Variants in RNF115 observed in about 807,000 individuals in gnomAD.
The protein encoded by RNF115 is E3 ubiquitin-protein ligase RNF115.
RNF115 carries 31 observed loss-of-function variants against 39.2 expected under a neutral mutation model. The observed-to-expected ratio is 0.79, with a 90% CI of 0.59 to 1.07. RNF115 has a LOEUF of 1.07. RNF115 is among the 50% of genes least tolerant of loss of function. RNF115 has a pLI of 0.00. For missense variants in RNF115, 384 were observed against 381.7 expected (o/e 1.01, Z -0.05); for synonymous variants, 124 against 131.0 (o/e 0.95, Z 0.37).
At chr1:145,784,962 C>T (rs1439506432) in intron 2 of RNF115, among the ~76,000 whole-genome samples, 1 of 152,130 alleles carries the variant, frequency 6.6e-6, no homozygotes, top group Non-Finnish European at 1.5e-5. Flanking sequence ...ATTCAACCAC[C>T]AGATGAACAC....
intron 4 of RNF115, among the ~76,000 whole-genome samples, 179 bp downstream of exon 4, chr1:145,771,532 C>T (rs1279076854): frequency 2.0e-5 from 3 of 152,204 alleles, no homozygotes; most frequent in African/African-American, 7.2e-5. Context: ...GCATTTCTCA[C>T]TCTCTGGTTT....
At chr1:145,782,613 C>T (rs192322258) in intron 3 of RNF115, among the ~76,000 whole-genome samples, 89 of 152,344 alleles carry the variant, frequency 5.8e-4, no homozygotes, top group African/African-American at 1.9e-3. Flanking sequence ...AGTTAGGAAA[C>T]TGACTACATA....
At chr1:145,784,854 G>T (rs1648306385) in intron 2 of RNF115, among the ~76,000 whole-genome samples, 1 of 152,036 alleles carries the variant, frequency 6.6e-6, no homozygotes, top group Non-Finnish European at 1.5e-5. Flanking sequence ...GAAGGAAGGA[G>T]GACCCACAGG....
At chr1:145,762,026 G>A (rs116126973) in intron 4 of RNF115, among the ~76,000 whole-genome samples, 128 of 152,318 alleles carry the variant, frequency 8.4e-4, no homozygotes, top group Non-Finnish European at 1.4e-3. Flanking sequence ...GGACATGCAT[G>A]GGACCTGTAA....
Position 145,750,465 on chromosome 1 carries a change from T to C in RNF115, c.609A>G (p.Pro203=). 2.5e-6 allele frequency: 4 copies of C among 1,614,010 alleles called. No homozygotes were observed. Among genetic ancestry groups the C allele is most frequent in the Non-Finnish European group, 3.4e-6 (4 of 1,179,950 alleles). ...LGQLENTGPP[P]ADKEKITSLP... ...GAGATGTGATCTTTTCCTTGTCAGC[T>C]GGGGGAGGGCCTGTGTTTTCCAGTT... The change falls in exon 7 of 9, where the codon CCA becomes CCG. Residue 203 remains proline, a synonymous_variant. Coordinates refer to ENST00000582693, the MANE Select transcript of RNF115 (RefSeq NM_014455.4).
At chr1:145,755,382 A>T (rs1247892116) in intron 4 of RNF115, among the ~76,000 whole-genome samples, 4 of 152,162 alleles carry the variant, frequency 2.6e-5, no homozygotes, top group African/African-American at 9.7e-5. Context: ...AACAGCCAGA[A>T]CAAACCTGCC....
intron 4 of RNF115, 30 bp downstream of exon 4, chr1:145,771,681 T>C: frequency 6.3e-7 from 1 of 1,587,444 alleles, no homozygotes; most frequent in Non-Finnish European, 8.6e-7. Context: ...TGAAACTACC[T>C]TAAAAAGAAC....
intron 1 of RNF115, 140 bp from the exon 2 acceptor site, chr1:145,789,106 T>G: frequency 1.7e-6 from 1 of 587,336 alleles, no homozygotes. Context: ...GTTTTTGTTT[T>G]TTTTTTTCTT....
chr1:145,800,264 G>A (rs1553720704), intron 1 of RNF115, among the ~76,000 whole-genome samples: 1 of 152,104 alleles, frequency 6.6e-6, no homozygotes, highest in Non-Finnish European at 1.5e-5. Context: ...CACATGATGT[G>A]CTTGACACTG....
At chr1:145,749,552 T>C (rs1437171349) in intron 7 of RNF115, among the ~76,000 whole-genome samples, 1 of 152,160 alleles carries the variant, frequency 6.6e-6, no homozygotes, top group Non-Finnish European at 1.5e-5. Flanking sequence ...GAATTCTCTT[T>C]GACTCTTTCC....
At chr1:145,752,866 C>T in intron 5 of RNF115, 112 bp downstream of exon 5, 1 of 717,770 alleles carries the variant, frequency 1.4e-6, no homozygotes, top group East Asian at 2.7e-5. Flanking sequence ...GGATTAGAGG[C>T]ATGAGCCACC....
intron 1 of RNF115, among the ~76,000 whole-genome samples, chr1:145,813,389 C>A (rs1283512042): frequency 6.6e-6 from 1 of 152,188 alleles, no homozygotes; most frequent in African/African-American, 2.4e-5. Flanking sequence ...GAAAGCAAAA[C>A]TAAAAGTTAG....
At chr1:145,805,876 AC>A (rs1649437518) in intron 1 of RNF115, among the ~76,000 whole-genome samples, 1 of 152,118 alleles carries the variant, frequency 6.6e-6, no homozygotes, top group African/African-American at 2.4e-5. Flanking sequence ...GTACTAGAAT[AC>A]AATTTATATA....
rs1276771677 is a variant in RNF115, at chr1:145,742,655, T to C, written c.*4211A>G. 1 of 152,250 alleles carries C rather than the reference T, an allele frequency of 6.6e-6. No homozygotes were observed. The highest frequency in any genetic ancestry group is 1.5e-5 in the Non-Finnish European group (1 of 68,044). 9.4% of individuals were successfully genotyped at this position (152,250 alleles called of 1,614,324 possible). The stretch of plus-strand genomic sequence containing the variant: ...TATCCCTTCTTCCTCCATTGTGAAA[T>C]GTGCATACACGTGTTTGTCTGTGAA... On this transcript the variant is annotated 3_prime_UTR_variant, in exon 9 of 9. Transcript: ENST00000582693.
intron 1 of RNF115, among the ~76,000 whole-genome samples, chr1:145,802,038 T>C (rs1649270335): frequency 1.3e-5 from 2 of 152,212 alleles, no homozygotes; most frequent in South Asian, 2.1e-4. Context: ...TCCTCTCATG[T>C]TAGCCTCCCA....
intron 3 of RNF115, among the ~76,000 whole-genome samples, chr1:145,776,835 T>C (rs1553716649): frequency 1.3e-5 from 2 of 152,142 alleles, no homozygotes; most frequent in African/African-American, 4.8e-5. Context: ...AAACTCTGTC[T>C]CCAAACAAAA....
intron 4 of RNF115, 22 bp from the exon 5 acceptor site, chr1:145,753,071 G>A: frequency 6.6e-7 from 1 of 1,524,732 alleles, no homozygotes. Flanking sequence ...GAAAAAATTA[G>A]ATAAGACAAC....
Position 145,804,490 on chromosome 1 carries a change from T to G in RNF115, c.103-15524A>C, listed in dbSNP as rs782683585. Among the ~76,000 whole-genome samples, 14 of 99,544 alleles carry G rather than the reference T, an allele frequency of 1.4e-4. No homozygotes were observed. In the South Asian group the frequency reaches 5.2e-3, roughly 37 times the overall value. The allele number at this position is 99,544 out of a possible 152,430, so 65.3% of individuals were successfully genotyped here. On this transcript the variant is annotated intron_variant, in intron 1 of 8. Coordinates refer to ENST00000582693, the MANE Select transcript of RNF115 (RefSeq NM_014455.4). Reference sequence around the variant, plus strand: ...CATCATGTTGTCCACCTTAAATGCATGCATGCATGCACACACACACACACA... The same window carrying G: ...CATCATGTTGTCCACCTTAAATGCAGGCATGCATGCACACACACACACACA...
rs758710118 is a variant in RNF115 at position 145,823,970 on chromosome 1, C to G, written c.-97G>C. The G allele has an allele frequency of 2.3e-6, 2 of 871,238 alleles. No homozygotes were observed. The highest frequency in any genetic ancestry group is 3.6e-5 in the African/African-American group (2 of 55,610). 54.0% of individuals were successfully genotyped at this position (871,238 alleles called of 1,614,324 possible). On this transcript the variant is annotated 5_prime_UTR_variant, in exon 1 of 9. Coordinates refer to ENST00000582693, the MANE Select transcript of RNF115 (RefSeq NM_014455.4). Reference sequence around the variant, plus strand: ...GCAGTCGTCGCCGCCGCCGCCGCCTCGGTGCGGCCCACCGCTTCAGAGCCC... The same window carrying G: ...GCAGTCGTCGCCGCCGCCGCCGCCTGGGTGCGGCCCACCGCTTCAGAGCCC...
Sources: allele counts gnomAD v4.1 joint callset (sites outside exome capture counted in the v4.1 genomes callset), GRCh38; gene constraint gnomAD v4.1.1; transcripts MANE v1.5; gene names NCBI Gene and HGNC (gene_info 2026-07-23, HGNC 2026-07-21).